The following KLHL8 variants were observed in gnomAD, a reference collection of about 807,000 sequenced individuals.
KLHL8 encodes the protein kelch like family member 8, also known as kelch-like protein 8.
Under a neutral mutation model 63.5 loss-of-function variants are expected in KLHL8, and 38 were observed. That is an observed-to-expected ratio of 0.60 (90% CI 0.46 to 0.78). The LOEUF (loss-of-function observed/expected upper bound fraction) is 0.78. Ranked by LOEUF, KLHL8 falls within the 30% of genes least tolerant of loss-of-function variation. KLHL8 has a pLI of 0.00. For synonymous variants in KLHL8, 224 were observed against 254.3 expected (o/e 0.88, Z 1.13); for missense variants, 566 against 752.4 (o/e 0.75, Z 2.90).
At chr4:87,169,057 C>A (rs1730536093) in intron 8 of KLHL8, among the ~76,000 whole-genome samples, 1 of 151,702 alleles carries the variant, frequency 6.6e-6, no homozygotes, top group African/African-American at 2.4e-5. Flanking sequence ...GTAATCCCAG[C>A]ACTTTGGGAG....
intron 9 of KLHL8, 65 bp downstream of exon 9, chr4:87,163,813 A>C (rs1730269587): frequency 6.4e-7 from 1 of 1,551,566 alleles, no homozygotes; most frequent in South Asian, 1.1e-5. Context: ...ACATTTTAAC[A>C]CTCTGAAGTA....
chr4:87,167,414 A>G (rs569452144), intron 8 of KLHL8: 149 of 463,840 alleles, frequency 3.2e-4, no homozygotes, highest in Non-Finnish European at 6.0e-4. Flanking sequence ...GGTGGGCCAA[A>G]TAAGGTGTTC....
chr4:87,198,647 G>A (rs139996467), intron 1 of KLHL8, among the ~76,000 whole-genome samples: 1 of 152,302 alleles, frequency 6.6e-6, no homozygotes, highest in African/African-American at 2.4e-5. Flanking sequence ...CAGAGGTTAG[G>A]GAAGGATGAG....
chr4:87,163,992 G>A lies in KLHL8; in HGVS notation c.1625C>T (p.Thr542Ile), dbSNP rs755589852. Reference sequence around the variant, plus strand: ...TGCGATTCCCACTCCACCTCTGGGAGTAGTAAGTGCTGCCACATAATCCCA... The same window carrying A: ...TGCGATTCCCACTCCACCTCTGGGAATAGTAAGTGCTGCCACATAATCCCA... ...NKWDYVAALT[T>I]PRGGVGIATV... Residue 542 changes from threonine to isoleucine, a missense_variant, in exon 9 of 10, where the codon ACT (threonine) becomes ATT (isoleucine). Transcript: ENST00000273963. 5.0e-6 allele frequency: 8 copies of A among 1,614,018 alleles called. No homozygotes were observed. The South Asian group carries it at 6.6e-5, about 13-fold the overall frequency.
At chr4:87,207,079 C>A in intron 1 of KLHL8, 1 of 468,790 alleles carries the variant, frequency 2.1e-6, no homozygotes, top group Non-Finnish European at 4.1e-6. Context: ...CCAGCTGCAT[C>A]GCTGAGGTAG....
Position 87,226,815 on chromosome 4 carries a change from ATAATATATATTATTTATAAATAAT to A in KLHL8, n.58-5449_58-5426del, listed in dbSNP as rs1333688200. Among the ~76,000 whole-genome samples the A allele has an allele frequency of 5.4e-4, 7 of 12,892 alleles. 1 individual carries two copies. Among genetic ancestry groups the A allele is most frequent in the Non-Finnish European group, 6.7e-4 (6 of 8,942 alleles). 8.5% of individuals were successfully genotyped at this position (12,892 alleles called of 152,430 possible). On this transcript the variant is annotated intron_variant and non_coding_transcript_variant, in intron 1 of 1. Coordinates refer to the KLHL8 transcript ENST00000506274. ...ATATTATATATAATATATATTATATATAATATATATTATTTATAAATAATATATATATTATATATAAATAATATA... is the reference window on the plus strand; with the variant it reads ...ATATTATATATAATATATATTATATAATATATATTATATATAAATAATATA...
intron 1 of KLHL8, among the ~76,000 whole-genome samples, chr4:87,238,052 C>T (rs1733265087): frequency 6.6e-6 from 1 of 152,124 alleles, no homozygotes; most frequent in Non-Finnish European, 1.5e-5. Flanking sequence ...TCTTTTGCCT[C>T]AGCCTCCTGA....
chr4:87,179,121 T>C (rs7438969), intron 4 of KLHL8, among the ~76,000 whole-genome samples: 31 of 152,302 alleles, frequency 2.0e-4, no homozygotes, highest in African/African-American at 7.5e-4. Context: ...ATTCCATCTA[T>C]ATCATAACAC....
chr4:87,177,750 G>C (rs1357251294), intron 5 of KLHL8, among the ~76,000 whole-genome samples: 1 of 152,012 alleles, frequency 6.6e-6, no homozygotes, highest in Non-Finnish European at 1.5e-5. Context: ...GAGACCACAG[G>C]CGTGCACCAC....
In KLHL8 at chr4:87,185,409, C is replaced by T; in HGVS notation, c.607G>A (p.Glu203Lys). Residue 203 changes from glutamate (E) to lysine (K), a missense_variant, in exon 3 of 10, where the codon GAA becomes AAA. Coordinates refer to ENST00000273963, the MANE Select transcript of KLHL8 (RefSeq NM_020803.5). Reference sequence around the variant, plus strand: ...TGCGGTGATACACTTACAAAGTCTTCACACTCCACTACTTCAGTAAAATGG... The same window carrying T: ...TGCGGTGATACACTTACAAAGTCTTTACACTCCACTACTTCAGTAAAATGG... ...CDHFTEVVEC[E>K]DFVSVSPQHL... The T allele has an allele frequency of 6.2e-7, 1 of 1,614,184 alleles. No homozygotes were observed. The highest frequency in any genetic ancestry group is 8.5e-7 in the Non-Finnish European group (1 of 1,180,024).
At chr4:87,229,809 C>T (rs897057688) in intron 1 of KLHL8, among the ~76,000 whole-genome samples, 1 of 151,582 alleles carries the variant, frequency 6.6e-6, no homozygotes, top group African/African-American at 2.4e-5. Context: ...CAGCTCACTG[C>T]GAGCTCCACC....
intron 6 of KLHL8, among the ~76,000 whole-genome samples, chr4:87,173,186 G>A (rs1209665614): frequency 6.6e-6 from 1 of 152,106 alleles, no homozygotes; most frequent in East Asian, 1.9e-4. Context: ...AAATTCTGCA[G>A]TTCCTTCAGA....
intron 8 of KLHL8, chr4:87,167,255 A>G: frequency 4.1e-6 from 2 of 491,816 alleles, no homozygotes; most frequent in Non-Finnish European, 3.9e-6. Context: ...TTGTCATCCC[A>G]GGACAGGACC....
At chr4:87,238,283 G>T (rs1733270225) in intron 1 of KLHL8, among the ~76,000 whole-genome samples, 1 of 152,102 alleles carries the variant, frequency 6.6e-6, no homozygotes, top group African/African-American at 2.4e-5. Flanking sequence ...TTCTCACCAA[G>T]CATATTTGTA....
intron 8 of KLHL8, among the ~76,000 whole-genome samples, chr4:87,168,729 T>C (rs192677143): frequency 4.0e-5 from 6 of 148,540 alleles, no homozygotes; most frequent in Non-Finnish European, 8.9e-5. Context: ...TACGTATATA[T>C]ATGTGTGTAT....
rs778773586 is a variant in KLHL8 at position 87,161,498 on chromosome 4, A to G, written c.*2021T>C. ...TATAGTAAAAACCAGAAATGAAAAT[A>G]TAATAACCCTTATAACTCCTTACAT... On this transcript the variant is annotated 3_prime_UTR_variant, in exon 10 of 10. Coordinates refer to ENST00000273963, the MANE Select transcript of KLHL8 (RefSeq NM_020803.5). The G allele has an allele frequency of 2.0e-5, 3 of 152,316 alleles. No individual in the cohort carries two copies. The highest frequency in any genetic ancestry group is 4.4e-5 in the Non-Finnish European group (3 of 68,024). 9.4% of individuals were successfully genotyped at this position (152,316 alleles called of 1,614,324 possible). A position where few individuals can be genotyped will look rare whatever the true frequency, so the allele number is the denominator to read the frequency against.
intron 6 of KLHL8, among the ~76,000 whole-genome samples, chr4:87,170,851 C>T (rs1730607603): frequency 6.6e-6 from 1 of 152,132 alleles, no homozygotes. Context: ...CCTACACAGG[C>T]TACTTTAAAC....
chr4:87,204,847 G>T (rs1342599690), intron 1 of KLHL8, among the ~76,000 whole-genome samples: 3 of 152,180 alleles, frequency 2.0e-5, no homozygotes, highest in Non-Finnish European at 4.4e-5. Flanking sequence ...GGCAAAAAGA[G>T]AGTTTTATGG....
At chr4:87,180,813 T>G (rs1731020458) in intron 4 of KLHL8, among the ~76,000 whole-genome samples, 1 of 152,106 alleles carries the variant, frequency 6.6e-6, no homozygotes, top group Non-Finnish European at 1.5e-5. Flanking sequence ...GAGGCTGAAG[T>G]GGGTGAATCA....
Sources: allele counts gnomAD v4.1 joint callset (sites outside exome capture counted in the v4.1 genomes callset), GRCh38; gene constraint gnomAD v4.1.1; transcripts MANE v1.5; gene names NCBI Gene and HGNC (gene_info 2026-07-23, HGNC 2026-07-21).